The following PERP variants were observed in gnomAD, a reference collection of about 807,000 sequenced individuals.
The protein encoded by PERP is p53 apoptosis effector related to PMP22.
A neutral mutation model predicts 20.3 loss-of-function variants in PERP; 11 were observed. The observed-to-expected ratio is 0.54, with a 90% CI of 0.34 to 0.90. PERP has a LOEUF of 0.90. PERP is among the 40% of genes least tolerant of loss of function. The pLI, the probability that PERP is intolerant of heterozygous loss-of-function variation, is 0.02. For synonymous variants in PERP, 101 were observed against 102.0 expected (o/e 0.99, Z 0.06); for missense variants, 224 against 249.4 (o/e 0.90, Z 0.69).
intron 2 of PERP, 53 bp downstream of exon 2, chr6:138,096,301 A>G: frequency 6.3e-7 from 1 of 1,597,160 alleles, no homozygotes; most frequent in Non-Finnish European, 8.6e-7. Context: ...GACCATTACT[A>G]AGTCGATGCC....
intron 1 of PERP, among the ~76,000 whole-genome samples, chr6:138,103,872 G>A (rs1775808029): frequency 6.6e-6 from 1 of 152,148 alleles, no homozygotes; most frequent in African/African-American, 2.4e-5. Context: ...TCTTTGACTT[G>A]GCCAACAGCG....
In PERP at chr6:138,089,945, G is replaced by C. The variant is rs1302206156; in HGVS notation, c.*2097C>G. The C allele has an allele frequency of 6.6e-6, 1 of 152,198 alleles. No individual in the cohort carries two copies. Among genetic ancestry groups the C allele is most frequent in the Admixed American group, 6.5e-5 (1 of 15,274 alleles). The allele number at this position is 152,198 out of a possible 1,614,324, so 9.4% of individuals were successfully genotyped here. ...TGGATGGGAAATCATGCAAAGACAAGTGCATGTGGTAGAGAAGCTTATAAA... is the reference window on the plus strand; with the variant it reads ...TGGATGGGAAATCATGCAAAGACAACTGCATGTGGTAGAGAAGCTTATAAA... On this transcript the variant is annotated 3_prime_UTR_variant, in exon 3 of 3. Transcript: ENST00000421351.
intron 1 of PERP, among the ~76,000 whole-genome samples, chr6:138,101,468 G>C (rs1157146286): frequency 6.6e-6 from 1 of 152,176 alleles, no homozygotes; most frequent in Non-Finnish European, 1.5e-5. Flanking sequence ...TTTTTAAATT[G>C]TTGGTGATAC....
intron 1 of PERP, among the ~76,000 whole-genome samples, chr6:138,100,809 C>T (rs1775759841): frequency 1.3e-5 from 2 of 152,078 alleles, no homozygotes; most frequent in South Asian, 2.1e-4. Context: ...ATTATAAATC[C>T]AATTTAAGTG....
At position 138,093,984 on chromosome 6, in the gene PERP, G is replaced by A. The variant is rs547845498; in HGVS notation, c.356-1716C>T. 4.6e-5 allele frequency among the ~76,000 whole-genome samples: 7 copies of A among 152,292 alleles called. No individual in the cohort carries two copies. The South Asian group carries it at 1.2e-3, about 27-fold the overall frequency. ...AAGCCGACTGTTAAGCTGTAAATCTGTTGAAGCTCACTGAACTAATTTTCT... is the reference window on the plus strand; with the variant it reads ...AAGCCGACTGTTAAGCTGTAAATCTATTGAAGCTCACTGAACTAATTTTCT... On this transcript the variant is annotated intron_variant, in intron 2 of 2. Coordinates refer to ENST00000421351, the MANE Select transcript of PERP (RefSeq NM_022121.5).
chr6:138,092,864 A>G (rs1238875864), intron 2 of PERP, among the ~76,000 whole-genome samples: 2 of 152,098 alleles, frequency 1.3e-5, no homozygotes, highest in African/African-American at 4.8e-5. Flanking sequence ...GGAAATCTGA[A>G]GAGGAAACAG....
intron 2 of PERP, 76 bp downstream of exon 2, chr6:138,096,278 T>C (rs2484067): frequency 0.45 from 685,127 of 1,531,570 alleles, 160,275 homozygotes; most frequent in Middle Eastern, 0.5. Flanking sequence ...TCACGGGTCT[T>C]CTTTGTGGAA....
chr6:138,097,642 A>T (rs1446170735), intron 1 of PERP, among the ~76,000 whole-genome samples: 3 of 152,164 alleles, frequency 2.0e-5, no homozygotes, highest in Non-Finnish European at 4.4e-5. Context: ...GAAATGAAGG[A>T]TATACTTAGA....
At chr6:138,102,826 G>A (rs1173874119) in intron 1 of PERP, among the ~76,000 whole-genome samples, 5 of 152,170 alleles carry the variant, frequency 3.3e-5, no homozygotes, top group African/African-American at 4.8e-5. Flanking sequence ...GCGGCCAGGC[G>A]CGGTGGCTCA....
intron 2 of PERP, among the ~76,000 whole-genome samples, chr6:138,095,762 C>T (rs1489532805): frequency 1.3e-5 from 2 of 152,152 alleles, no homozygotes; most frequent in East Asian, 1.9e-4. Flanking sequence ...TGTATTCCAT[C>T]AATAAATATT....
intron 1 of PERP, among the ~76,000 whole-genome samples, chr6:138,101,585 C>A (rs1486155596): frequency 6.6e-6 from 1 of 152,114 alleles, no homozygotes; most frequent in Non-Finnish European, 1.5e-5. Flanking sequence ...TAATGTGGCA[C>A]CCAACCAGAG....
Position 138,107,011 on chromosome 6 carries a change from C to A in PERP, c.214+116G>T. The A allele has an allele frequency of 9.9e-7, 1 of 1,012,036 alleles. No homozygotes were observed. Among genetic ancestry groups the A allele is most frequent in the Non-Finnish European group, 1.4e-6 (1 of 727,704 alleles). 62.7% of individuals were successfully genotyped at this position (1,012,036 alleles called of 1,614,324 possible). A position where few individuals can be genotyped will look rare whatever the true frequency, so the allele number is the denominator to read the frequency against. On this transcript the variant is annotated intron_variant, in intron 1 of 2. Transcript: ENST00000421351. The surrounding 1 kb of genome is among the most constrained non-coding windows in gnomAD (Gnocchi z 4.8). ...CCCGAGCTCGTCCTAAACAGGCATT[C>A]TGAAAAGCACTGGCTCCCCCGACCC...
chr6:138,094,302 T>TC (rs1261749951), intron 2 of PERP, among the ~76,000 whole-genome samples: 2 of 151,662 alleles, frequency 1.3e-5, no homozygotes, highest in African/African-American at 4.8e-5. Flanking sequence ...CATTCTTCCC[T>TC]CCCCCCAGCC....
rs1582963104 is a variant in PERP at position 138,089,713 on chromosome 6, A to C, written c.*2329T>G. 1 of 152,314 alleles carries C rather than the reference A, an allele frequency of 6.6e-6. No individual in the cohort carries two copies. The highest frequency in any genetic ancestry group is 1.9e-4 in the East Asian group (1 of 5,186). The allele number at this position is 152,314 out of a possible 1,614,324, so 9.4% of individuals were successfully genotyped here. On this transcript the variant is annotated 3_prime_UTR_variant, in exon 3 of 3. Coordinates refer to ENST00000421351, the MANE Select transcript of PERP (RefSeq NM_022121.5). ...TGACATAAAGGTATCTGTCTTGGTG[A>C]ATCTGGATCAACAAGGAATGGCAGA...
intron 1 of PERP, among the ~76,000 whole-genome samples, chr6:138,102,451 G>A (rs543018362): frequency 6.6e-6 from 1 of 152,344 alleles, no homozygotes; most frequent in East Asian, 1.9e-4. Flanking sequence ...GAACTAAGTT[G>A]TTGAATAAGG....
chr6:138,097,810 A>G (rs986058610), intron 1 of PERP, among the ~76,000 whole-genome samples: 2 of 152,148 alleles, frequency 1.3e-5, no homozygotes, highest in Admixed American at 1.3e-4. Flanking sequence ...TTTTTACTAT[A>G]TTCACAGTGT....
chr6:138,104,988 G>A (rs1011113352), intron 1 of PERP, among the ~76,000 whole-genome samples: 10 of 152,174 alleles, frequency 6.6e-5, no homozygotes, highest in South Asian at 2.1e-4. Flanking sequence ...GCATGCAGGC[G>A]ATGAGACAGA....
chr6:138,097,334 T>C (rs1157870594), intron 1 of PERP, among the ~76,000 whole-genome samples: 1 of 152,172 alleles, frequency 6.6e-6, no homozygotes, highest in Non-Finnish European at 1.5e-5. Context: ...ACAACACCTA[T>C]TGTTCAACCT....
At position 138,091,707 on chromosome 6, in the gene PERP, A is replaced by C; in HGVS notation, c.*335T>G. On this transcript the variant is annotated 3_prime_UTR_variant, in exon 3 of 3. Transcript: ENST00000421351. ...AACAAGAACTTGATCAGATTATTAA[A>C]TCTTGGAAACCTCATTTTTACCTTA... 1 of 187,396 alleles carries C rather than the reference A, an allele frequency of 5.3e-6. No individual in the cohort carries two copies. Among genetic ancestry groups the C allele is most frequent in the African/African-American group, 2.4e-5 (1 of 42,170 alleles). 11.6% of individuals were successfully genotyped at this position (187,396 alleles called of 1,614,324 possible). A position where few individuals can be genotyped will look rare whatever the true frequency, so the allele number is the denominator to read the frequency against.
Sources: gnomAD v4.1 joint callset for allele counts (sites outside exome capture counted in the v4.1 genomes callset) on GRCh38, gnomAD v4.1.1 for gene constraint, Gnocchi (gnomAD v3.1) non-coding constraint, MANE v1.5 for transcripts, NCBI Gene and HGNC (gene_info 2026-07-23, HGNC 2026-07-21) for gene names.